Variants in M1AP observed in about 807,000 individuals in gnomAD.
The protein encoded by M1AP is meiosis 1 arrest protein.
Under a neutral mutation model 51.2 loss-of-function variants are expected in M1AP, and 39 were observed. The ratio of observed to expected loss-of-function variants is 0.76; its 90% CI spans 0.59 to 1.00. The LOEUF (loss-of-function observed/expected upper bound fraction) is 1.00. Among genes scored for constraint, M1AP ranks in the 50% least tolerant of loss-of-function variants. The probability of loss-of-function intolerance (pLI) is 0.00; values close to 1 mark genes in which losing one functional copy is unlikely to be tolerated. For missense variants in M1AP, 545 were observed against 641.2 expected (o/e 0.85, Z 1.62); for synonymous variants, 251 against 249.2 (o/e 1.01, Z -0.07).
At chr2:74,597,908 AC>A (rs1351651477) in intron 4 of M1AP, among the ~76,000 whole-genome samples, 1 of 152,222 alleles carries the variant, frequency 6.6e-6, no homozygotes, top group Non-Finnish European at 1.5e-5. Flanking sequence ...GCCAATAAAT[AC>A]ATGCAATAAA....
At position 74,557,920 on chromosome 2, in the gene M1AP, G is replaced by GGGT. The variant is rs1677612553; in HGVS notation, c.*795_*796insACC. The GGGT allele has an allele frequency of 6.7e-6, 1 of 149,062 alleles. No individual in the cohort carries two copies. The highest frequency in any genetic ancestry group is 1.5e-5 in the Non-Finnish European group (1 of 67,904). 9.2% of individuals were successfully genotyped at this position (149,062 alleles called of 1,614,324 possible). A position where few individuals can be genotyped will look rare whatever the true frequency, so the allele number is the denominator to read the frequency against. On this transcript the variant is annotated 3_prime_UTR_variant, in exon 11 of 11. Coordinates refer to ENST00000421985, the MANE Select transcript of M1AP (RefSeq NM_001321739.2). Reference sequence around the variant, plus strand: ...AGTTTTTATTATTTATGTAGAGATGGCGGGGGGGTCTCACAGTGTTGCTCA... The same window carrying GGGT: ...AGTTTTTATTATTTATGTAGAGATGGGGTCGGGGGGGTCTCACAGTGTTGCTCA...
intron 8 of M1AP, among the ~76,000 whole-genome samples, chr2:74,560,625 T>C (rs1677858948): frequency 6.6e-6 from 1 of 152,108 alleles, no homozygotes. Context: ...AGGGAGGGTG[T>C]GTCAGTGGGC....
At chr2:74,628,039 T>C (rs543663880) in intron 2 of M1AP, among the ~76,000 whole-genome samples, 2 of 152,330 alleles carry the variant, frequency 1.3e-5, no homozygotes, top group South Asian at 4.1e-4. Flanking sequence ...TAATTTGGGA[T>C]ATATTGATAT....
rs1293051823 is a variant in M1AP, at chr2:74,576,576, G to C, written c.812C>G (p.Ser271Cys). The C allele has an allele frequency of 1.2e-6, 2 of 1,614,084 alleles. No homozygotes were observed. The highest frequency in any genetic ancestry group is 1.1e-5 in the South Asian group (1 of 91,080). ...GCCGTCAGCTGTGCCAGCGAGTAGGGATGGGCAGAGCAGTCGCTCTTGGAG... is the reference window on the plus strand; with the variant it reads ...GCCGTCAGCTGTGCCAGCGAGTAGGCATGGGCAGAGCAGTCGCTCTTGGAG... ...CDLQERLLCP[S>C]LLAGTADGSL... is the part of the protein sequence containing the mutation. Residue 271 changes from serine to cysteine, a missense_variant, in exon 6 of 11, where the codon TCC becomes TGC. Ser to Cys is a moderately radical substitution (Grantham distance 112). Coordinates refer to ENST00000421985, the MANE Select transcript of M1AP (RefSeq NM_001321739.2).
chr2:74,561,211 GAGGAGAAGGAGGAGGAGGAGA>G (rs1558643873), intron 8 of M1AP, among the ~76,000 whole-genome samples: 17 of 136,492 alleles, frequency 1.2e-4, no homozygotes, highest in African/African-American at 4.5e-4. Flanking sequence ...GGAGGAGGAG[GAGGAGAAGGAGGAGGAGGAGA>G]AGGAGGAGGA....
intron 2 of M1AP, among the ~76,000 whole-genome samples, chr2:74,616,722 T>C (rs1681689379): frequency 1.3e-5 from 2 of 152,204 alleles, no homozygotes; most frequent in South Asian, 4.1e-4. Flanking sequence ...ATACAATTTA[T>C]TAAAACAACA....
At chr2:74,593,103 C>T (rs192173455) in intron 4 of M1AP, among the ~76,000 whole-genome samples, 1 of 152,116 alleles carries the variant, frequency 6.6e-6, no homozygotes, top group African/African-American at 2.4e-5. Context: ...TAAAGCAGTG[C>T]TGTCAAACGT....
chr2:74,563,060 A>C (rs1232692036), intron 7 of M1AP, among the ~76,000 whole-genome samples: 2 of 152,192 alleles, frequency 1.3e-5, no homozygotes, highest in African/African-American at 4.8e-5. Context: ...CTGACTGGGC[A>C]GTATCCCTGG....
intron 4 of M1AP, among the ~76,000 whole-genome samples, chr2:74,586,057 A>G (rs1679686006): frequency 6.6e-6 from 1 of 152,036 alleles, no homozygotes; most frequent in Admixed American, 6.5e-5. Flanking sequence ...GGCTCAGACT[A>G]TTTCCTCCTC....
intron 2 of M1AP, among the ~76,000 whole-genome samples, chr2:74,623,374 C>T (rs774792626): frequency 3.9e-5 from 6 of 151,938 alleles, no homozygotes; most frequent in Non-Finnish European, 8.8e-5. Context: ...CATGGTGACC[C>T]GTGCCTGTAG....
chr2:74,584,666 A>G (rs1000127390), intron 4 of M1AP, among the ~76,000 whole-genome samples: 5 of 151,226 alleles, frequency 3.3e-5, no homozygotes, highest in Admixed American at 6.6e-5. Flanking sequence ...TCTGGAAGTA[A>G]GGAAAATAAA....
At chr2:74,587,740 TTACAGGAGTGAAACGGTGGCCC>T (rs1475066850) in intron 4 of M1AP, among the ~76,000 whole-genome samples, 4 of 152,006 alleles carry the variant, frequency 2.6e-5, no homozygotes, top group African/African-American at 7.2e-5. Context: ...AATGGAAAGG[TTACAGGAGTGAAACGGTGGCCC>T]TTAGTGTTTG....
intron 1 of M1AP, 90 bp downstream of exon 1, chr2:74,648,174 GC>G: frequency 1.0e-6 from 1 of 957,106 alleles, no homozygotes; most frequent in Non-Finnish European, 1.2e-6. Flanking sequence ...CTGAGGACTG[GC>G]CCGAGCTCGG....
chr2:74,626,094 CA>C (rs1229289342), intron 2 of M1AP, among the ~76,000 whole-genome samples: 1 of 152,156 alleles, frequency 6.6e-6, no homozygotes, highest in African/African-American at 2.4e-5. Context: ...GTTACAAATA[CA>C]CATTCTGCAA....
chr2:74,587,344 G>A (rs560882180), intron 4 of M1AP, among the ~76,000 whole-genome samples: 8 of 151,986 alleles, frequency 5.3e-5, no homozygotes, highest in African/African-American at 1.9e-4. Flanking sequence ...GACTACAGGC[G>A]CCTGCTGCCA....
At chr2:74,643,311 G>T (rs1558703933) in intron 1 of M1AP, among the ~76,000 whole-genome samples, 1 of 152,116 alleles carries the variant, frequency 6.6e-6, no homozygotes, top group East Asian at 1.9e-4. Context: ...ATGAACTGCA[G>T]TTCCATGTGG....
chr2:74,599,887 C>A (rs530907649), intron 4 of M1AP, among the ~76,000 whole-genome samples: 1 of 151,022 alleles, frequency 6.6e-6, no homozygotes, highest in South Asian at 2.1e-4. Flanking sequence ...CTGGAGTGCA[C>A]TGATGCGATC....
intron 4 of M1AP, among the ~76,000 whole-genome samples, chr2:74,587,215 T>C (rs1183074666): frequency 6.6e-6 from 1 of 152,012 alleles, no homozygotes; most frequent in East Asian, 1.9e-4. Context: ...CTTTTTTCTT[T>C]TGAGACGGAG....
chr2:74,641,203 C>T (rs1315356501), intron 1 of M1AP, among the ~76,000 whole-genome samples: 2 of 152,176 alleles, frequency 1.3e-5, no homozygotes, highest in East Asian at 1.9e-4. Flanking sequence ...TTGTTCTTCG[C>T]CTCAAGATTT....
Sources: gnomAD v4.1 joint callset for allele counts (sites outside exome capture counted in the v4.1 genomes callset) on GRCh38, gnomAD v4.1.1 for gene constraint, MANE v1.5 for transcripts, NCBI Gene and HGNC (gene_info 2026-07-23, HGNC 2026-07-21) for gene names.